The following PRKAA1 variants were observed in gnomAD, a reference collection of about 807,000 sequenced individuals.
The protein encoded by PRKAA1 is protein kinase AMP-activated catalytic subunit alpha 1, also known as 5'-AMP-activated protein kinase catalytic subunit alpha-1.
Under a neutral mutation model 56.9 loss-of-function variants are expected in PRKAA1, and 23 were observed. The observed-to-expected ratio is 0.40, with a 90% CI of 0.29 to 0.57. The LOEUF (loss-of-function observed/expected upper bound fraction) is 0.57, where lower values mean the gene tolerates loss of function less well. Among genes scored for constraint, PRKAA1 ranks in the 20% least tolerant of loss-of-function variants. The pLI is 0.39. For synonymous variants in PRKAA1, 226 were observed against 227.0 expected, an observed-to-expected ratio of 1.00 and a Z score of 0.04; for missense variants, 413 against 679.7, an observed-to-expected ratio of 0.61 and a Z score of 4.36.
At chr5:40,775,185 T>C (rs975605678) in intron 3 of PRKAA1, among the ~76,000 whole-genome samples, 1 of 152,192 alleles carries the variant, frequency 6.6e-6, no homozygotes, top group African/African-American at 2.4e-5. Flanking sequence ...CTGTGAGCAA[T>C]CATATAAGCC....
chr5:40,770,739 G>A (rs367862450), intron 4 of PRKAA1, among the ~76,000 whole-genome samples: 7 of 149,238 alleles, frequency 4.7e-5, no homozygotes, highest in Non-Finnish European at 1.5e-5. Context: ...CTATAGGCAC[G>A]CACCACCATG....
intron 5 of PRKAA1, 71 bp from the exon 6 acceptor site, chr5:40,767,761 AT>A (rs1392065995): frequency 1.6e-6 from 2 of 1,272,378 alleles, no homozygotes; most frequent in Non-Finnish European, 2.2e-6. Context: ...AAAACTTCAA[AT>A]ATGGATATTT....
Position 40,762,725 on chromosome 5 carries a change from G to T in PRKAA1, c.*53C>A, listed in dbSNP as rs565126169. The T allele has an allele frequency of 2.1e-5, 34 of 1,596,638 alleles. No homozygotes were observed. The South Asian group carries it at 3.8e-4, about 18-fold the overall frequency. ...TGATTACAAATGGAAGCATTTGGCT[G>T]TGACTTATTATGCATGCTTATTGCT... On this transcript the variant is annotated 3_prime_UTR_variant, in exon 9 of 9. Transcript: ENST00000397128.
chr5:40,759,677 G>T lies in PRKAA1; in HGVS notation c.*3101C>A, dbSNP rs1247738714. 6.6e-6 allele frequency: 1 copy of T among 152,278 alleles called. No homozygotes were observed. The highest frequency in any genetic ancestry group is 1.5e-5 in the Non-Finnish European group (1 of 68,040). The allele number at this position is 152,278 out of a possible 1,614,324, so 9.4% of individuals were successfully genotyped here. On this transcript the variant is annotated 3_prime_UTR_variant, in exon 9 of 9. Transcript: ENST00000397128. ...GCCAGTCAGAACACAGATCCATGGA[G>T]TTCCACATCTAGCCCCAGGCTACCA... is the stretch of plus-strand genomic sequence containing the variant.
intron 3 of PRKAA1, chr5:40,774,937 G>T: frequency 6.2e-7 from 1 of 1,600,802 alleles, no homozygotes; most frequent in Non-Finnish European, 8.6e-7. Flanking sequence ...CCTCCTTCGT[G>T]GAGCCTGTTT....
rs777717735 is a variant in PRKAA1 at position 40,767,710 on chromosome 5, T to C, written c.597-20A>G. The C allele has an allele frequency of 1.3e-5, 20 of 1,552,786 alleles. No homozygotes were observed. Among genetic ancestry groups the C allele is most frequent in the Non-Finnish European group, 1.6e-5 (18 of 1,133,770 alleles). On this transcript the variant is annotated intron_variant, in intron 5 of 8. Coordinates refer to ENST00000397128, the MANE Select transcript of PRKAA1 (RefSeq NM_006251.6). ...TACAATCTGTAACAGGAAATAACAA[T>C]TGGATTAAAGAATCATTTTAACCTA...
In PRKAA1 at chr5:40,797,960, G is replaced by T. The variant is rs576706485; in HGVS notation, c.127+103C>A. On this transcript the variant is annotated intron_variant, in intron 1 of 8. Coordinates refer to ENST00000397128, the MANE Select transcript of PRKAA1 (RefSeq NM_006251.6). ...TCCGGGACAGGGGCTGCCCAGCCCTGGAAAGAAGGGACGCAGCGGGCGGGG... is the reference window on the plus strand; with the variant it reads ...TCCGGGACAGGGGCTGCCCAGCCCTTGAAAGAAGGGACGCAGCGGGCGGGG... The T allele has an allele frequency of 1.2e-3, 1,894 of 1,519,722 alleles. 1 individual carries two copies. Among genetic ancestry groups the T allele is most frequent in the Non-Finnish European group, 1.5e-3 (1,709 of 1,125,678 alleles). 94.1% of individuals were successfully genotyped at this position (1,519,722 alleles called of 1,614,324 possible). A position where few individuals can be genotyped will look rare whatever the true frequency, so the allele number is the denominator to read the frequency against.
At chr5:40,768,379 T>C (rs543877142) in intron 5 of PRKAA1, 1 of 887,906 alleles carries the variant, frequency 1.1e-6, no homozygotes, top group African/African-American at 1.8e-5. Flanking sequence ...GCCCATTGCA[T>C]ATATGCACAG....
In PRKAA1 at chr5:40,761,144, AAAT is replaced by A. The variant is rs1412538575; in HGVS notation, c.*1631_*1633del. 32 of 152,260 alleles carry A rather than the reference AAAT, an allele frequency of 2.1e-4. No individual in the cohort carries two copies. The highest frequency in any genetic ancestry group is 6.2e-4 in the South Asian group (3 of 4,826). The allele number at this position is 152,260 out of a possible 1,614,324, so 9.4% of individuals were successfully genotyped here. ...AATTGATTTGTTCCATATTTTATCA[AAAT>A]AATAATAATGTTATATCCAACTAAA... On this transcript the variant is annotated 3_prime_UTR_variant, in exon 9 of 9. Transcript: ENST00000397128.
At chr5:40,796,785 T>A (rs1435201226) in intron 1 of PRKAA1, among the ~76,000 whole-genome samples, 1 of 152,214 alleles carries the variant, frequency 6.6e-6, no homozygotes, top group Non-Finnish European at 1.5e-5. Context: ...TTTATTTAGC[T>A]CTGGAAGAGT....
At chr5:40,772,954 C>T (rs1743818113) in intron 3 of PRKAA1, among the ~76,000 whole-genome samples, 1 of 152,094 alleles carries the variant, frequency 6.6e-6, no homozygotes, top group Non-Finnish European at 1.5e-5. Context: ...TTTTAAACTT[C>T]TCTATGTATC....
chr5:40,764,693 T>TTA lies in PRKAA1; in HGVS notation c.1309-54_1309-53insTA. 3 of 1,604,978 alleles carry TTA rather than the reference T, an allele frequency of 1.9e-6. No homozygotes were observed. In the South Asian group the frequency reaches 3.3e-5, roughly 18 times the overall value. ...TCAAAAGTAATTCTTCTATAAAACA[T>TTA]TTTATAGACTATGGGTTTGCCAAAT... is the stretch of plus-strand genomic sequence containing the variant. On this transcript the variant is annotated intron_variant, in intron 7 of 8. Transcript: ENST00000397128.
chr5:40,785,400 C>T (rs112249603), intron 1 of PRKAA1, among the ~76,000 whole-genome samples: 158 of 151,974 alleles, frequency 1.0e-3, no homozygotes, highest in Non-Finnish European at 2.0e-3. Context: ...CCACCTCGCC[C>T]GGCTAATTTT....
chr5:40,770,193 T>A (rs553219803), intron 4 of PRKAA1, among the ~76,000 whole-genome samples: 55 of 152,324 alleles, frequency 3.6e-4, no homozygotes, highest in Admixed American at 2.9e-3. Flanking sequence ...CCAGACATGG[T>A]GGCTCACGCC....
At chr5:40,793,930 C>T (rs184038235) in intron 1 of PRKAA1, among the ~76,000 whole-genome samples, 418 of 152,192 alleles carry the variant, frequency 2.7e-3, no homozygotes, top group Middle Eastern at 6.8e-3. Flanking sequence ...GATGAAACCC[C>T]ATCTCTACTA....
rs552354709 is a variant in PRKAA1 at position 40,780,852 on chromosome 5, A to C, written c.128-3266T>G. On this transcript the variant is annotated intron_variant, in intron 1 of 8. Transcript: ENST00000397128. ...CCTAGTCCACTCAGACTCACATACT[A>C]ATCTCCTCACAGACAAACCCAAAAT... 9.2e-5 allele frequency among the ~76,000 whole-genome samples: 14 copies of C among 152,252 alleles called. No individual in the cohort carries two copies. In the South Asian group the frequency reaches 1.4e-3, roughly 16 times the overall value.
chr5:40,767,765 G>T, intron 5 of PRKAA1, 75 bp from the exon 6 acceptor site: 2 of 1,231,396 alleles, frequency 1.6e-6, no homozygotes. Flanking sequence ...CTTCAAATAT[G>T]GATATTTCAT....
chr5:40,783,232 C>T (rs1307666451), intron 1 of PRKAA1, among the ~76,000 whole-genome samples: 1 of 152,038 alleles, frequency 6.6e-6, no homozygotes, highest in Non-Finnish European at 1.5e-5. Context: ...GAACAAAAGG[C>T]TGACCAATTT....
At chr5:40,795,629 T>C (rs746195805) in intron 1 of PRKAA1, among the ~76,000 whole-genome samples, 3 of 152,196 alleles carry the variant, frequency 2.0e-5, no homozygotes, top group Non-Finnish European at 4.4e-5. Context: ...GAAGGACTTA[T>C]CTGTGGAAAG....
Sources: allele counts gnomAD v4.1 joint callset (sites outside exome capture counted in the v4.1 genomes callset), GRCh38; gene constraint gnomAD v4.1.1; transcripts MANE v1.5; gene names NCBI Gene and HGNC (gene_info 2026-07-23, HGNC 2026-07-21).